GXYLT1: variants seen among roughly 807,000 people sequenced by gnomAD.
The protein encoded by GXYLT1 is glucoside xylosyltransferase 1.
A neutral mutation model predicts 54.0 loss-of-function variants in GXYLT1; 29 were observed. The ratio of observed to expected loss-of-function variants is 0.54; its 90% CI spans 0.40 to 0.73. GXYLT1 has a LOEUF of 0.73. GXYLT1 is among the 30% of genes least tolerant of loss of function. The pLI is 0.00. For missense variants in GXYLT1, 490 were observed against 553.4 expected, an observed-to-expected ratio of 0.89 and a Z score of 1.15; for synonymous variants, 176 against 204.1, an observed-to-expected ratio of 0.86 and a Z score of 1.17.
At chr12:42,100,207 G>A (rs1415243776) in intron 5 of GXYLT1, among the ~76,000 whole-genome samples, 1 of 152,130 alleles carries the variant, frequency 6.6e-6, no homozygotes, top group Non-Finnish European at 1.5e-5. Context: ...GGACTATCCA[G>A]AGTAAAAACC....
intron 3 of GXYLT1, among the ~76,000 whole-genome samples, chr12:42,113,823 T>C (rs1408485963): frequency 6.6e-6 from 1 of 150,934 alleles, no homozygotes; most frequent in Non-Finnish European, 1.5e-5. Context: ...CAACAGAATA[T>C]ACATTCTTTT....
chr12:42,108,677 CTTTT>C (rs1348217959), intron 4 of GXYLT1, among the ~76,000 whole-genome samples: 1 of 152,072 alleles, frequency 6.6e-6, no homozygotes, highest in Non-Finnish European at 1.5e-5. Context: ...GTTAGACTGA[CTTTT>C]TTATCAATAT....
intron 2 of GXYLT1, among the ~76,000 whole-genome samples, chr12:42,127,647 C>A (rs770205627): frequency 6.6e-6 from 1 of 152,146 alleles, no homozygotes; most frequent in Non-Finnish European, 1.5e-5. Flanking sequence ...TTATTACTCA[C>A]GCTGTAATTT....
In GXYLT1 at chr12:42,105,837, A is replaced by G. The variant is rs757210000; in HGVS notation, c.845T>C (p.Met282Thr). The stretch of plus-strand genomic sequence containing the variant: ...ACTTACCTTGAAATACTTCCTTCTC[A>G]TTCGAGTCATGTTCATCAACATAAC... Reference protein sequence around the residue: ...SGVMLMNMTRMRRKYFKNDMT... With the variant: ...SGVMLMNMTRTRRKYFKNDMT... The change falls in exon 5 of 8, where the codon ATG (methionine) becomes ACG (threonine). Residue 282 changes from methionine (M) to threonine (T), a missense_variant. This residue lies in a region of GXYLT1 where 342 missense variants were observed against 342.6 expected (regional missense o/e 1.00). Coordinates refer to ENST00000398675, the MANE Select transcript of GXYLT1 (RefSeq NM_173601.2). 1 of 1,612,244 alleles carries G rather than the reference A, an allele frequency of 6.2e-7. No homozygotes were observed. Among genetic ancestry groups the G allele is most frequent in the South Asian group, 1.1e-5 (1 of 90,612 alleles).
chr12:42,112,869 T>C (rs961810743), intron 3 of GXYLT1, among the ~76,000 whole-genome samples: 1 of 147,044 alleles, frequency 6.8e-6, no homozygotes, highest in African/African-American at 2.5e-5. Context: ...ATGAAGGAAG[T>C]GCAGCCAGAG....
At chr12:42,107,090 C>G (rs185770197) in intron 4 of GXYLT1, among the ~76,000 whole-genome samples, 43 of 152,234 alleles carry the variant, frequency 2.8e-4, no homozygotes, top group African/African-American at 9.4e-4. Flanking sequence ...ACTTTAGGTT[C>G]TGACTCCTAC....
intron 7 of GXYLT1, among the ~76,000 whole-genome samples, chr12:42,090,560 A>G (rs1230215800): frequency 6.6e-6 from 1 of 152,208 alleles, no homozygotes; most frequent in East Asian, 1.9e-4. Flanking sequence ...TAGGAAGCTC[A>G]TGCTTTATAC....
chr12:42,111,016 T>A (rs2065450800), intron 3 of GXYLT1, among the ~76,000 whole-genome samples: 1 of 152,240 alleles, frequency 6.6e-6, no homozygotes. Flanking sequence ...AGGCTGCACC[T>A]AAGATAATGC....
intron 7 of GXYLT1, among the ~76,000 whole-genome samples, chr12:42,089,090 T>C (rs1266833173): frequency 1.3e-5 from 2 of 151,916 alleles, no homozygotes; most frequent in African/African-American, 4.8e-5. Flanking sequence ...TTTTTAAAAA[T>C]CAATCACACA....
At chr12:42,115,500 A>G in intron 3 of GXYLT1, among the ~76,000 whole-genome samples, 1 of 152,202 alleles carries the variant, frequency 6.6e-6, no homozygotes, top group East Asian at 1.9e-4. Context: ...ACAACTAGAG[A>G]GCCAAATCAT....
rs180826439 is a variant in GXYLT1 at position 42,124,514 on chromosome 12, G to A, written c.314+5245C>T. Among the ~76,000 whole-genome samples the A allele has an allele frequency of 2.3e-3, 351 of 151,926 alleles. 2 individuals are homozygous for A. Among genetic ancestry groups the A allele is most frequent in the African/African-American group, 7.9e-3 (329 of 41,462 alleles). On this transcript the variant is annotated intron_variant, in intron 2 of 7. Transcript: ENST00000398675. Reference sequence around the variant, plus strand: ...CAAATAGATGATATACAGAACAAAAGAAAAAAGCTAACTAAATGTGGAAAT... The same window carrying A: ...CAAATAGATGATATACAGAACAAAAAAAAAAAGCTAACTAAATGTGGAAAT...
intron 2 of GXYLT1, among the ~76,000 whole-genome samples, chr12:42,127,991 A>C (rs2136913956): frequency 6.6e-6 from 1 of 152,368 alleles, no homozygotes; most frequent in East Asian, 1.9e-4. Flanking sequence ...CATGGGATGC[A>C]TACTGTATTG....
chr12:42,142,851 A>C (rs569991196), intron 1 of GXYLT1, among the ~76,000 whole-genome samples: 2 of 152,248 alleles, frequency 1.3e-5, no homozygotes, highest in South Asian at 2.1e-4. Flanking sequence ...TCACATTTTT[A>C]CAAAGAGAGA....
Position 42,085,390 on chromosome 12 carries a change from C to T in GXYLT1, c.*2396G>A, listed in dbSNP as rs1213881070. 7.2e-5 allele frequency: 11 copies of T among 152,276 alleles called. No homozygotes were observed. Among genetic ancestry groups the T allele is most frequent in the Admixed American group, 7.2e-4 (11 of 15,290 alleles). The allele number at this position is 152,276 out of a possible 1,614,324, so 9.4% of individuals were successfully genotyped here. On this transcript the variant is annotated 3_prime_UTR_variant, in exon 8 of 8. Coordinates refer to ENST00000398675, the MANE Select transcript of GXYLT1 (RefSeq NM_173601.2). ...AACTGTGACCACGCTCTACACAAGT[C>T]CCAATCAATTAGAGCCCATGGGGCT... is the stretch of plus-strand genomic sequence containing the variant.
At chr12:42,139,774 T>C (rs942092638) in intron 1 of GXYLT1, among the ~76,000 whole-genome samples, 1 of 152,202 alleles carries the variant, frequency 6.6e-6, no homozygotes, top group Non-Finnish European at 1.5e-5. Context: ...ACTGGTTTTA[T>C]GTAAGATGTT....
At chr12:42,110,609 A>C (rs1166167844) in intron 3 of GXYLT1, among the ~76,000 whole-genome samples, 1 of 152,140 alleles carries the variant, frequency 6.6e-6, no homozygotes, top group Non-Finnish European at 1.5e-5. Flanking sequence ...AAGTGCAGTA[A>C]CATGATTATG....
intron 4 of GXYLT1, among the ~76,000 whole-genome samples, chr12:42,107,267 A>C (rs1324669384): frequency 6.6e-6 from 1 of 152,184 alleles, no homozygotes; most frequent in Non-Finnish European, 1.5e-5. Context: ...AGCAGCTACT[A>C]GGCTGAAATC....
Position 42,125,078 on chromosome 12 carries a change from G to C in GXYLT1, c.314+4681C>G, listed in dbSNP as rs561518189. Among the ~76,000 whole-genome samples the C allele has an allele frequency of 4.6e-5, 7 of 152,314 alleles. No homozygotes were observed. The South Asian group carries it at 8.3e-4, about 18-fold the overall frequency. ...CAAATGCGGTAAATACAATAACCAA[G>C]AGGAGACAGAGAAGGGAGATGAAGT... On this transcript the variant is annotated intron_variant, in intron 2 of 7. Transcript: ENST00000398675.
intron 5 of GXYLT1, among the ~76,000 whole-genome samples, chr12:42,099,330 T>A (rs2065376257): frequency 6.6e-6 from 1 of 152,224 alleles, no homozygotes; most frequent in Admixed American, 6.5e-5. Flanking sequence ...GGTTTGACTC[T>A]CCTTTTAAAA....
Sources: gnomAD v4.1 joint callset for allele counts (sites outside exome capture counted in the v4.1 genomes callset) on GRCh38, gnomAD v4.1.1 for gene constraint, gnomAD v4.1.1 regional missense constraint, MANE v1.5 for transcripts, NCBI Gene and HGNC (gene_info 2026-07-23, HGNC 2026-07-21) for gene names.